SCIN: variants seen among roughly 807,000 people sequenced by gnomAD.
SCIN encodes adseverin.
SCIN carries 91 observed loss-of-function variants against 91.8 expected under a neutral mutation model. That is an observed-to-expected ratio of 0.99 (90% confidence interval 0.84 to 1.18). The LOEUF (loss-of-function observed/expected upper bound fraction) is 1.18. Among genes scored for constraint, SCIN ranks in the 50% most tolerant of loss-of-function variants. The pLI is 0.00. For synonymous variants in SCIN, 367 were observed against 312.6 expected (o/e 1.17, Z -1.84); for missense variants, 1,087 against 863.9 (o/e 1.26, Z -3.24).
intron 4 of SCIN, among the ~76,000 whole-genome samples, chr7:12,612,883 A>G (rs549073314): frequency 1.2e-4 from 18 of 152,330 alleles, no homozygotes; most frequent in African/African-American, 4.1e-4. Context: ...CAAATTTCAT[A>G]ACGAAGACTT....
chr7:12,620,884 T>C (rs574913821), intron 4 of SCIN, among the ~76,000 whole-genome samples: 2 of 152,266 alleles, frequency 1.3e-5, no homozygotes, highest in African/African-American at 4.8e-5. Context: ...AAGATACATC[T>C]TGGCTAGAAC....
chr7:12,629,033 A>T, intron 8 of SCIN, 68 bp from the exon 9 acceptor site: 1 of 1,307,442 alleles, frequency 7.6e-7, no homozygotes, highest in Non-Finnish European at 1.0e-6. Flanking sequence ...AAAATTATTT[A>T]AAGCTTATGA....
chr7:12,636,045 G>C lies in SCIN; in HGVS notation c.1320G>C (p.Trp440Cys). 1 of 1,610,724 alleles carries C rather than the reference G, an allele frequency of 6.2e-7. No individual in the cohort carries two copies. Residue 440 changes from tryptophan to cysteine, a missense_variant and splice_region_variant, in exon 10 of 16, where the codon TGG (tryptophan) becomes TGC (cysteine). Transcript: ENST00000297029. ...ATTCGTTTCACTTTCATTCCTCTAGGCAAGGAGCAAATGCCACACGAGATG... is the reference window on the plus strand; with the variant it reads ...ATTCGTTTCACTTTCATTCCTCTAGCCAAGGAGCAAATGCCACACGAGATG... ...TYPRGQIIYT[W>C]QGANATRDEL...
intron 9 of SCIN, among the ~76,000 whole-genome samples, chr7:12,634,360 C>T (rs927820524): frequency 2.0e-5 from 3 of 151,988 alleles, no homozygotes; most frequent in Non-Finnish European, 4.4e-5. Context: ...TGGTGTATGC[C>T]TGTAGTCCCA....
intron 15 of SCIN, 58 bp from the exon 16 acceptor site, chr7:12,652,530 A>G (rs1784100657): frequency 6.8e-7 from 1 of 1,475,416 alleles, no homozygotes; most frequent in Non-Finnish European, 9.3e-7. Context: ...TTCAATCTGC[A>G]GTTACTTTAG....
At chr7:12,639,625 C>G (rs1783817680) in intron 10 of SCIN, among the ~76,000 whole-genome samples, 1 of 151,838 alleles carries the variant, frequency 6.6e-6, no homozygotes, top group African/African-American at 2.4e-5. Context: ...TAAATAAAAT[C>G]AAGAAAATAA....
chr7:12,588,480 A>G (rs1035403397), intron 3 of SCIN, among the ~76,000 whole-genome samples: 1 of 152,098 alleles, frequency 6.6e-6, no homozygotes, highest in Non-Finnish European at 1.5e-5. Flanking sequence ...AGAGAGACCC[A>G]AGGTCAGGAG....
In SCIN at chr7:12,644,084, T is replaced by C. The variant is rs1020206947; in HGVS notation, c.1582-54T>C. ...AGTCACAGCTTCTGGGACATGTTTATTGAGGGAGCAGCAATGAATTTGAAT... is the reference window on the plus strand; with the variant it reads ...AGTCACAGCTTCTGGGACATGTTTACTGAGGGAGCAGCAATGAATTTGAAT... On this transcript the variant is annotated intron_variant, in intron 11 of 15. Transcript: ENST00000297029. The C allele has an allele frequency of 8.8e-6, 13 of 1,485,500 alleles. No homozygotes were observed. The African/African-American group carries it at 1.4e-4, about 16-fold the overall frequency. 92.0% of individuals were successfully genotyped at this position (1,485,500 alleles called of 1,614,324 possible). A position where few individuals can be genotyped will look rare whatever the true frequency, so the allele number is the denominator to read the frequency against.
chr7:12,642,850 G>A (rs1248051252), intron 11 of SCIN, among the ~76,000 whole-genome samples: 1 of 151,884 alleles, frequency 6.6e-6, no homozygotes, highest in Admixed American at 6.6e-5. Context: ...TGACCTCTAA[G>A]TTCTTGAGCG....
At chr7:12,617,446 G>A (rs566275107) in intron 4 of SCIN, among the ~76,000 whole-genome samples, 2 of 152,180 alleles carry the variant, frequency 1.3e-5, no homozygotes, top group South Asian at 2.1e-4. Flanking sequence ...GGCAAGTTTC[G>A]GAAGCGTTCA....
rs538051458 is a variant in SCIN at position 12,657,841 on chromosome 7, C to G, written c.*5126C>G. 1.3e-5 allele frequency: 2 copies of G among 151,358 alleles called. No homozygotes were observed. The highest frequency in any genetic ancestry group is 1.5e-5 in the Non-Finnish European group (1 of 67,832). 9.4% of individuals were successfully genotyped at this position (151,358 alleles called of 1,614,324 possible). A position where few individuals can be genotyped will look rare whatever the true frequency, so the allele number is the denominator to read the frequency against. On this transcript the variant is annotated 3_prime_UTR_variant, in exon 16 of 16. Coordinates refer to ENST00000297029, the MANE Select transcript of SCIN (RefSeq NM_001112706.3). ...GCATTTCATCATGTCTCCATTTCTT[C>G]GGAATGATAATTTCTAATATACTTT...
chr7:12,571,709 T>C, intron 1 of SCIN: 1 of 258,152 alleles, frequency 3.9e-6, no homozygotes, highest in Non-Finnish European at 8.0e-6. Context: ...TGCTTTATTG[T>C]TATTATTTAT....
intron 4 of SCIN, among the ~76,000 whole-genome samples, chr7:12,615,584 C>T (rs2115263267): frequency 6.6e-6 from 1 of 152,148 alleles, no homozygotes; most frequent in African/African-American, 2.4e-5. Context: ...TTCTTTATAG[C>T]AGTGTGAAAA....
intron 3 of SCIN, among the ~76,000 whole-genome samples, chr7:12,584,616 A>T (rs1185283477): frequency 1.3e-5 from 2 of 152,184 alleles, no homozygotes; most frequent in Admixed American, 6.5e-5. Context: ...TATTTTGGAG[A>T]ATGATTTAGA....
At chr7:12,586,856 C>G (rs775770004) in intron 3 of SCIN, among the ~76,000 whole-genome samples, 1 of 152,040 alleles carries the variant, frequency 6.6e-6, no homozygotes, top group Non-Finnish European at 1.5e-5. Context: ...TCTTCTCACT[C>G]AAATGCAGGG....
chr7:12,636,346 C>T (rs531651210), intron 10 of SCIN, among the ~76,000 whole-genome samples: 3 of 152,284 alleles, frequency 2.0e-5, no homozygotes, highest in African/African-American at 7.2e-5. Flanking sequence ...CAACAAAAAT[C>T]TATCAACAGG....
chr7:12,652,180 G>C (rs1398036920), intron 15 of SCIN, among the ~76,000 whole-genome samples: 1 of 152,194 alleles, frequency 6.6e-6, no homozygotes, highest in African/African-American at 2.4e-5. Context: ...TATTATAAGA[G>C]TAAAACCTCC....
chr7:12,644,363 G>T, intron 12 of SCIN, 48 bp downstream of exon 12: 1 of 1,521,196 alleles, frequency 6.6e-7, no homozygotes. Flanking sequence ...ATACTGATAC[G>T]ATTGCTAATC....
intron 3 of SCIN, among the ~76,000 whole-genome samples, chr7:12,596,663 T>A (rs372843930): frequency 3.4e-5 from 5 of 147,336 alleles, no homozygotes; most frequent in East Asian, 4.1e-4. Flanking sequence ...CAGAAATGCT[T>A]TTTGTTAAAG....
Sources: gnomAD v4.1 joint callset for allele counts (sites outside exome capture counted in the v4.1 genomes callset) on GRCh38, gnomAD v4.1.1 for gene constraint, MANE v1.5 for transcripts, NCBI Gene and HGNC (gene_info 2026-07-23, HGNC 2026-07-21) for gene names.